DIPK2A: variants seen among roughly 807,000 people sequenced by gnomAD.
DIPK2A encodes divergent protein kinase domain 2A.
In DIPK2A, 27 loss-of-function variants were observed where a neutral mutation model predicts 39.0. That is an observed-to-expected ratio of 0.69 (90% CI 0.51 to 0.96). The LOEUF (loss-of-function observed/expected upper bound fraction) is 0.96. Among genes scored for constraint, DIPK2A ranks in the 40% least tolerant of loss-of-function variants. The pLI is 0.00. For missense variants in DIPK2A, 528 were observed against 571.3 expected, an observed-to-expected ratio of 0.92 and a Z score of 0.77; for synonymous variants, 298 against 240.8, an observed-to-expected ratio of 1.24 and a Z score of -2.20.
rs1435762687 is a variant in DIPK2A at position 143,991,154 on chromosome 3, A to G, written c.*1313A>G. 3 of 143,570 alleles carry G rather than the reference A, an allele frequency of 2.1e-5. No individual in the cohort carries two copies. Among genetic ancestry groups the G allele is most frequent in the Non-Finnish European group, 4.5e-5 (3 of 65,936 alleles). The allele number at this position is 143,570 out of a possible 1,614,324, so 8.9% of individuals were successfully genotyped here. Reference sequence around the variant, plus strand: ...ATAAGTTGACTATCACTAACAGGTAATATTTTTCTGTTTGAAGTTGTTACT... The same window carrying G: ...ATAAGTTGACTATCACTAACAGGTAGTATTTTTCTGTTTGAAGTTGTTACT... On this transcript the variant is annotated 3_prime_UTR_variant, in exon 3 of 3. Coordinates refer to ENST00000315691, the MANE Select transcript of DIPK2A (RefSeq NM_173552.5).
Position 143,985,737 on chromosome 3 carries a change from C to G in DIPK2A, c.852C>G (p.Tyr284Ter). Residue 284 changes from tyrosine (Y) to a stop codon, truncating the protein, a stop_gained, in exon 2 of 3, where the codon TAC (tyrosine) becomes TAG (stop). Coordinates refer to ENST00000315691, the MANE Select transcript of DIPK2A (RefSeq NM_173552.5). LOFTEE classifies it high-confidence loss of function. ...ACAATGACTTTGAATTTGCACTCTACCTCCTGGACGTCAGCTTTGACAATT... is the reference window on the plus strand; with the variant it reads ...ACAATGACTTTGAATTTGCACTCTAGCTCCTGGACGTCAGCTTTGACAATT... ...LTNNDFEFAL[Y>*]LLDVSFDNFA... The G allele has an allele frequency of 6.2e-7, 1 of 1,614,118 alleles. No individual in the cohort carries two copies. The highest frequency in any genetic ancestry group is 8.5e-7 in the Non-Finnish European group (1 of 1,179,968).
At chr3:143,976,595 G>C (rs2087734398) in intron 1 of DIPK2A, among the ~76,000 whole-genome samples, 1 of 122,664 alleles carries the variant, frequency 8.2e-6, no homozygotes, top group Non-Finnish European at 1.6e-5. Flanking sequence ...ATGCTGTCTG[G>C]ATTTGTTGAA....
At chr3:143,985,282 A>G (rs998541946) in intron 1 of DIPK2A, among the ~76,000 whole-genome samples, 5 of 152,148 alleles carry the variant, frequency 3.3e-5, no homozygotes, top group Admixed American at 2.0e-4. Flanking sequence ...CTTATTGATC[A>G]TTTTGGTTCT....
rs1007783412 is a variant in DIPK2A at position 143,972,315 on chromosome 3, TGCGGGCGG to T, written c.-9_-2del. The T allele has an allele frequency of 1.5e-6, 2 of 1,348,780 alleles. No individual in the cohort carries two copies. Among genetic ancestry groups the T allele is most frequent in the East Asian group, 3.0e-5 (1 of 33,610 alleles). The allele number at this position is 1,348,780 out of a possible 1,614,324, so 83.6% of individuals were successfully genotyped here. ...CCCGGGGGTGCCCTCGCCCTCCCGTTGCGGGCGGGCGGGCGGTATGTGGCGCCTGGTGC... is the reference window on the plus strand; with the variant it reads ...CCCGGGGGTGCCCTCGCCCTCCCGTTGCGGGCGGTATGTGGCGCCTGGTGC... On this transcript the variant is annotated 5_prime_UTR_variant, in exon 1 of 3. Coordinates refer to ENST00000315691, the MANE Select transcript of DIPK2A (RefSeq NM_173552.5).
chr3:143,991,726 G>C lies in DIPK2A; in HGVS notation c.*1885G>C, dbSNP rs941360999. The stretch of plus-strand genomic sequence containing the variant: ...TTGCAACTTTGGGAGATTTTTGAGG[G>C]GAGTGTTGAAAATTGCCAAACACTC... On this transcript the variant is annotated 3_prime_UTR_variant, in exon 3 of 3. Coordinates refer to ENST00000315691, the MANE Select transcript of DIPK2A (RefSeq NM_173552.5). 7 of 152,180 alleles carry C rather than the reference G, an allele frequency of 4.6e-5. No homozygotes were observed. The highest frequency in any genetic ancestry group is 1.7e-4 in the African/African-American group (7 of 41,378). The allele number at this position is 152,180 out of a possible 1,614,324, so 9.4% of individuals were successfully genotyped here.
At chr3:143,973,234 G>C (rs922697053) in intron 1 of DIPK2A, 3 of 1,129,372 alleles carry the variant, frequency 2.7e-6, no homozygotes, top group Admixed American at 2.0e-5. Context: ...ATTTGACTGT[G>C]GATCTTTCAA....
At chr3:143,984,482 CAGGGAACAGGG>C (rs1436939628) in intron 1 of DIPK2A, among the ~76,000 whole-genome samples, 44 of 151,844 alleles carry the variant, frequency 2.9e-4, no homozygotes, top group South Asian at 1.9e-3. Flanking sequence ...TGTTGTGTCT[CAGGGAACAGGG>C]AGGCCTGAGG....
chr3:143,973,407 C>T (rs2087686466), intron 1 of DIPK2A: 1 of 1,549,886 alleles, frequency 6.5e-7, no homozygotes, highest in Non-Finnish European at 8.7e-7. Flanking sequence ...CTGAAGTGTT[C>T]TACACCGCGT....
At chr3:143,976,877 G>C (rs2087738394) in intron 1 of DIPK2A, among the ~76,000 whole-genome samples, 1 of 151,944 alleles carries the variant, frequency 6.6e-6, no homozygotes. Flanking sequence ...GTAGTATCTG[G>C]TAAATTGTAA....
chr3:143,989,457 A>G, intron 2 of DIPK2A, 53 bp from the exon 3 acceptor site: 2 of 1,138,522 alleles, frequency 1.8e-6, no homozygotes, highest in Non-Finnish European at 1.3e-6. Flanking sequence ...TTTGGAAGCA[A>G]TGAAAACTAT....
At chr3:143,973,806 T>C in intron 1 of DIPK2A, 1 of 562,502 alleles carries the variant, frequency 1.8e-6, no homozygotes, top group East Asian at 3.0e-5. Context: ...CGTCTGACTG[T>C]TTTGAAAAGT....
intron 1 of DIPK2A, among the ~76,000 whole-genome samples, chr3:143,983,979 T>G (rs115246541): frequency 0.028 from 4,257 of 152,346 alleles, 199 homozygotes; most frequent in African/African-American, 0.096. Context: ...TTGCTATGGT[T>G]TCTGTATCAG....
At chr3:143,984,257 C>G (rs1427867135) in intron 1 of DIPK2A, among the ~76,000 whole-genome samples, 1 of 152,206 alleles carries the variant, frequency 6.6e-6, no homozygotes, top group Non-Finnish European at 1.5e-5. Context: ...ACTGGCGTAG[C>G]ACTTCTGATT....
Position 143,972,024 on chromosome 3 carries a change from C to T in DIPK2A, c.-309C>T, listed in dbSNP as rs1002961440. On this transcript the variant is annotated 5_prime_UTR_variant, in exon 1 of 3. Coordinates refer to ENST00000315691, the MANE Select transcript of DIPK2A (RefSeq NM_173552.5). ...CGCGACCGTCGGGTCCCCGCGCTCCCTCCCCCTCCCGCTCCTCTATAACTT... is the reference window on the plus strand; with the variant it reads ...CGCGACCGTCGGGTCCCCGCGCTCCTTCCCCCTCCCGCTCCTCTATAACTT... 3.4e-4 allele frequency: 110 copies of T among 327,596 alleles called. No individual in the cohort carries two copies. Among genetic ancestry groups the T allele is most frequent in the African/African-American group, 2.1e-3 (98 of 47,230 alleles). 20.3% of individuals were successfully genotyped at this position (327,596 alleles called of 1,614,324 possible). A position where few individuals can be genotyped will look rare whatever the true frequency, so the allele number is the denominator to read the frequency against.
At chr3:143,973,539 T>C (rs1477153786) in intron 1 of DIPK2A, 10 of 1,550,962 alleles carry the variant, frequency 6.4e-6, no homozygotes, top group Non-Finnish European at 8.7e-6. Context: ...GAGGATGAAG[T>C]CGGAGAACGG....
In DIPK2A at chr3:143,972,841, G is replaced by T. The variant is rs1310481809; in HGVS notation, c.509G>T (p.Cys170Phe). 1 of 1,566,526 alleles carries T rather than the reference G, an allele frequency of 6.4e-7. No homozygotes were observed. The stretch of plus-strand genomic sequence containing the variant: ...GAGGGCTGGTCGGACCTGGTGCACT[G>T]CCCCTCGCAGCGCCTTCTCGACCGC... ...AVEGWSDLVH[C>F]PSQRLLDRLV... is the part of the protein sequence containing the mutation. The change falls in exon 1 of 3, where the codon TGC (cysteine) becomes TTC (phenylalanine). Residue 170 changes from cysteine (C) to phenylalanine (F), a missense_variant. Cys to Phe is a radical substitution (Grantham distance 205, BLOSUM62 -2). Coordinates refer to ENST00000315691, the MANE Select transcript of DIPK2A (RefSeq NM_173552.5).
intron 2 of DIPK2A, 77 bp downstream of exon 2, chr3:143,985,923 G>A (rs567376057): frequency 1.8e-5 from 22 of 1,241,962 alleles, no homozygotes; most frequent in Admixed American, 2.3e-5. Context: ...TATGAAATGA[G>A]CCTTGAATTT....
At chr3:143,976,387 C>A (rs1259113257) in intron 1 of DIPK2A, among the ~76,000 whole-genome samples, 2 of 151,660 alleles carry the variant, frequency 1.3e-5, no homozygotes, top group Non-Finnish European at 2.9e-5. Context: ...AGGAGAGGAA[C>A]TATGTTGACT....
Position 143,990,196 on chromosome 3 carries a change from C to T in DIPK2A, c.*355C>T, listed in dbSNP as rs747341563. ...GTACTTGGTACTTAGTTTGCATTTACTATCATGATTTTGTGAATCTCTTGC... is the reference window on the plus strand; with the variant it reads ...GTACTTGGTACTTAGTTTGCATTTATTATCATGATTTTGTGAATCTCTTGC... On this transcript the variant is annotated 3_prime_UTR_variant, in exon 3 of 3. Transcript: ENST00000315691. The T allele has an allele frequency of 1.2e-5, 2 of 170,916 alleles. No homozygotes were observed. The allele number at this position is 170,916 out of a possible 1,614,324, so 10.6% of individuals were successfully genotyped here.
Sources: allele counts gnomAD v4.1 joint callset (sites outside exome capture counted in the v4.1 genomes callset), GRCh38; gene constraint gnomAD v4.1.1; transcripts MANE v1.5; gene names NCBI Gene and HGNC (gene_info 2026-07-23, HGNC 2026-07-21).